The following ALG8 variants were observed in gnomAD, a reference collection of about 807,000 sequenced individuals.
ALG8 encodes the protein dolichyl pyrophosphate Glc1Man9GlcNAc2 alpha-1,3-glucosyltransferase.
Under a neutral mutation model 70.2 loss-of-function variants are expected in ALG8, and 48 were observed. The ratio of observed to expected loss-of-function variants is 0.68; its 90% CI spans 0.54 to 0.87. ALG8 has a LOEUF of 0.87. Ranked by LOEUF, ALG8 falls within the 40% of genes least tolerant of loss-of-function variation. The pLI, the probability that ALG8 is intolerant of heterozygous loss-of-function variation, is 0.00. For synonymous variants in ALG8, 234 were observed against 229.0 expected (o/e 1.02, Z -0.20); for missense variants, 572 against 608.7 (o/e 0.94, Z 0.64).
chr11:78,119,108 C>G, intron 5 of ALG8, 74 bp downstream of exon 5: 1 of 1,140,172 alleles, frequency 8.8e-7, no homozygotes, highest in Non-Finnish European at 1.3e-6. Context: ...TACCTATCAC[C>G]CACTACACTG....
Position 78,124,029 on chromosome 11 carries a change from A to T in ALG8, c.360T>A (p.Ala120=). ...ACATGCTCCAGACTTACTCACGGAC[A>T]GCATACACAAAGAGTACATCCATAA... is the stretch of plus-strand genomic sequence containing the variant. ...VIFMDVLFVY[A]VRECCKCIDG... The change falls in exon 3 of 13, where the codon GCT becomes GCA. Residue 120 remains alanine, a synonymous_variant. Coordinates refer to ENST00000299626, the MANE Select transcript of ALG8 (RefSeq NM_024079.5). The T allele has an allele frequency of 6.2e-7, 1 of 1,614,188 alleles. No individual in the cohort carries two copies. Among genetic ancestry groups the T allele is most frequent in the African/African-American group, 1.3e-5 (1 of 75,058 alleles).
intron 10 of ALG8, among the ~76,000 whole-genome samples, chr11:78,106,311 C>T (rs1860027369): frequency 6.6e-6 from 1 of 152,112 alleles, no homozygotes; most frequent in African/African-American, 2.4e-5. Context: ...AATTCTCCTG[C>T]CTCAGCCTCC....
chr11:78,116,820 G>C (rs1860593691), intron 5 of ALG8, among the ~76,000 whole-genome samples: 1 of 152,172 alleles, frequency 6.6e-6, no homozygotes, highest in South Asian at 2.1e-4. Flanking sequence ...CTGCCACAGG[G>C]ACCATGAAAG....
At chr11:78,134,915 A>G (rs1357085230) in intron 1 of ALG8, among the ~76,000 whole-genome samples, 14 of 152,222 alleles carry the variant, frequency 9.2e-5, no homozygotes, top group Admixed American at 3.3e-4. Flanking sequence ...GTTAATGTTG[A>G]TATCTTGACC....
chr11:78,138,674 G>A (rs1168751116), intron 1 of ALG8: 4 of 453,850 alleles, frequency 8.8e-6, no homozygotes, highest in Non-Finnish European at 1.8e-5. Context: ...ATGAAGGGAA[G>A]GCGGAAGCCA....
intron 1 of ALG8, chr11:78,138,837 C>G: frequency 2.2e-6 from 1 of 455,872 alleles, no homozygotes; most frequent in South Asian, 1.5e-5. Flanking sequence ...CCCCAGTGCA[C>G]CCCATGCTGT....
At chr11:78,128,161 T>A (rs982683873) in intron 1 of ALG8, among the ~76,000 whole-genome samples, 1 of 152,204 alleles carries the variant, frequency 6.6e-6, no homozygotes, top group Admixed American at 6.5e-5. Flanking sequence ...TGGGAAAAGA[T>A]CCTTGCTTTG....
intron 4 of ALG8, among the ~76,000 whole-genome samples, 198 bp downstream of exon 4, chr11:78,120,867 T>C (rs1218502023): frequency 6.6e-6 from 1 of 152,192 alleles, no homozygotes; most frequent in African/African-American, 2.4e-5. Flanking sequence ...ATCCCACTAA[T>C]TTTTCAGAAA....
intron 3 of ALG8, among the ~76,000 whole-genome samples, chr11:78,123,009 A>C (rs1860892246): frequency 7.0e-6 from 1 of 143,138 alleles, no homozygotes; most frequent in South Asian, 2.3e-4. Context: ...AGCGAGCTTA[A>C]GAGTTAGGAA....
At chr11:78,132,438 T>C (rs1250666135) in intron 1 of ALG8, among the ~76,000 whole-genome samples, 1 of 152,188 alleles carries the variant, frequency 6.6e-6, no homozygotes, top group African/African-American at 2.4e-5. Context: ...CCAAAAAATA[T>C]TTTATAAATG....
intron 1 of ALG8, among the ~76,000 whole-genome samples, chr11:78,129,768 T>C (rs1861226368): frequency 6.6e-6 from 1 of 152,248 alleles, no homozygotes; most frequent in Non-Finnish European, 1.5e-5. Flanking sequence ...CAATTTGTTT[T>C]AATTTCTAAA....
intron 1 of ALG8, among the ~76,000 whole-genome samples, chr11:78,129,186 T>G (rs796068131): frequency 1.3e-5 from 2 of 151,500 alleles, no homozygotes; most frequent in Non-Finnish European, 2.9e-5. Flanking sequence ...TTTGGGAGGC[T>G]GAGGCAGGCG....
chr11:78,134,608 TTAAC>T (rs1198839035), intron 1 of ALG8, among the ~76,000 whole-genome samples: 1 of 152,252 alleles, frequency 6.6e-6, no homozygotes, highest in East Asian at 1.9e-4. Flanking sequence ...CCACTGATTA[TTAAC>T]TAAGTTTATA....
chr11:78,123,324 A>AG (rs1860910070), intron 3 of ALG8, among the ~76,000 whole-genome samples: 2 of 108,838 alleles, frequency 1.8e-5, no homozygotes, highest in Non-Finnish European at 4.2e-5. Flanking sequence ...AGAAAAAAAA[A>AG]AAAAAAAAAA....
At chr11:78,119,272 C>A (rs1860713487) in intron 4 of ALG8, 23 bp from the exon 5 acceptor site, 3 of 1,537,670 alleles carry the variant, frequency 2.0e-6, no homozygotes, top group Non-Finnish European at 2.7e-6. Context: ...CAAGGAAAGA[C>A]AACAGAGGAC....
At chr11:78,120,129 C>T (rs1860757713) in intron 4 of ALG8, among the ~76,000 whole-genome samples, 1 of 151,658 alleles carries the variant, frequency 6.6e-6, no homozygotes, top group African/African-American at 2.4e-5. Context: ...AGGAAAGAAA[C>T]TTATGTTTAA....
At chr11:78,114,932 C>T (rs1218095350) in intron 5 of ALG8, 5 of 174,756 alleles carry the variant, frequency 2.9e-5, no homozygotes, top group Non-Finnish European at 6.2e-5. Context: ...GCCATGATGA[C>T]GACACTGCAC....
At chr11:78,124,884 C>T (rs1007214315) in intron 2 of ALG8, among the ~76,000 whole-genome samples, 1 of 152,116 alleles carries the variant, frequency 6.6e-6, no homozygotes, top group Non-Finnish European at 1.5e-5. Context: ...TTTGTATCCT[C>T]AGCATTTAGT....
chr11:78,108,431 A>T (rs1216408590), intron 9 of ALG8, among the ~76,000 whole-genome samples: 2 of 151,468 alleles, frequency 1.3e-5, no homozygotes, highest in Non-Finnish European at 3.0e-5. Context: ...CTCTGTCTCA[A>T]AAAAAAAAGA....
Sources: allele counts gnomAD v4.1 joint callset (sites outside exome capture counted in the v4.1 genomes callset), GRCh38; gene constraint gnomAD v4.1.1; transcripts MANE v1.5; gene names NCBI Gene and HGNC (gene_info 2026-07-23, HGNC 2026-07-21).